STK39: variants seen among roughly 807,000 people sequenced by gnomAD.
The protein encoded by STK39 is STE20/SPS1-related proline-alanine-rich protein kinase.
STK39 carries 20 observed loss-of-function variants against 77.8 expected under a neutral mutation model. The observed-to-expected ratio is 0.26, with a 90% CI of 0.18 to 0.37. STK39 has a LOEUF of 0.37. Among genes scored for constraint, STK39 ranks in the 10% least tolerant of loss-of-function variants. The pLI, the probability that STK39 is intolerant of heterozygous loss-of-function variation, is 1.00. For missense variants in STK39, 479 were observed against 656.5 expected, an observed-to-expected ratio of 0.73 and a Z score of 2.95; for synonymous variants, 246 against 234.1, an observed-to-expected ratio of 1.05 and a Z score of -0.47.
At chr2:168,122,051 G>T (rs191243772) in intron 10 of STK39, among the ~76,000 whole-genome samples, 2 of 152,136 alleles carry the variant, frequency 1.3e-5, no homozygotes, top group Non-Finnish European at 2.9e-5. Flanking sequence ...TTTTATTTTC[G>T]TTTCAGGGGC....
At chr2:168,149,169 T>G (rs766356833) in intron 5 of STK39, among the ~76,000 whole-genome samples, 1 of 143,906 alleles carries the variant, frequency 6.9e-6, no homozygotes, top group Non-Finnish European at 1.5e-5. Flanking sequence ...TCTGCCCTAG[T>G]CCTGACCTGT....
At chr2:168,079,322 A>G (rs1476317569) in intron 10 of STK39, among the ~76,000 whole-genome samples, 7 of 152,016 alleles carry the variant, frequency 4.6e-5, no homozygotes, top group Non-Finnish European at 1.0e-4. Context: ...TCAGCATGCA[A>G]GGCCTGGCAC....
chr2:168,017,377 ATTTTTTTT>A (rs386391743), intron 14 of STK39, among the ~76,000 whole-genome samples: 4 of 93,588 alleles, frequency 4.3e-5, no homozygotes, highest in South Asian at 4.1e-4. Flanking sequence ...GGAAACCTTA[ATTTTTTTT>A]TTTTTTTTTT....
At chr2:168,038,252 TC>T (rs1473339640) in intron 14 of STK39, among the ~76,000 whole-genome samples, 1 of 151,956 alleles carries the variant, frequency 6.6e-6, no homozygotes, top group East Asian at 1.9e-4. Context: ...ATTTTTTGCA[TC>T]CCCCCAAGCC....
chr2:168,004,101 G>C (rs185932103), intron 16 of STK39, among the ~76,000 whole-genome samples: 165 of 152,324 alleles, frequency 1.1e-3, no homozygotes, highest in African/African-American at 3.5e-3. Context: ...TCCCATACTT[G>C]AGAGCCTAAG....
intron 1 of STK39, among the ~76,000 whole-genome samples, chr2:168,213,745 C>T (rs1574561696): frequency 2.0e-5 from 3 of 150,146 alleles, no homozygotes; most frequent in Admixed American, 2.0e-4. Context: ...TGAAAAACTG[C>T]ATAGAGCAGT....
At chr2:168,243,572 A>C (rs185828855) in intron 1 of STK39, among the ~76,000 whole-genome samples, 78 of 152,296 alleles carry the variant, frequency 5.1e-4, no homozygotes, top group Non-Finnish European at 1.0e-3. Context: ...TCCTGCAAAA[A>C]CCCTAAGAAA....
In STK39 at chr2:168,046,615, A is replaced by T. The variant is rs141545287; in HGVS notation, c.1376+16885T>A. On this transcript the variant is annotated intron_variant, in intron 14 of 17. Coordinates refer to ENST00000355999, the MANE Select transcript of STK39 (RefSeq NM_013233.3). ...GCAGAGCTGGCCTATATCTCTTCAGAGAGTCCCACAAGGGTCACTACTGAA... is the reference window on the plus strand; with the variant it reads ...GCAGAGCTGGCCTATATCTCTTCAGTGAGTCCCACAAGGGTCACTACTGAA... Among the ~76,000 whole-genome samples, 575 of 152,320 alleles carry T rather than the reference A, an allele frequency of 3.8e-3. 3 individuals are homozygous for T. Among genetic ancestry groups the T allele is most frequent in the African/African-American group, 0.013 (545 of 41,560 alleles).
At chr2:168,078,741 CAAAAAA>C (rs56865790) in intron 10 of STK39, among the ~76,000 whole-genome samples, 2 of 86,412 alleles carry the variant, frequency 2.3e-5, no homozygotes, top group African/African-American at 4.0e-5. Context: ...TCCATCTGTC[CAAAAAA>C]AAAAAAAAAA....
At chr2:168,124,990 G>A (rs1687504864) in intron 10 of STK39, among the ~76,000 whole-genome samples, 1 of 152,078 alleles carries the variant, frequency 6.6e-6, no homozygotes, top group South Asian at 2.1e-4. Flanking sequence ...GGGGACTAGG[G>A]AAGGGACAGC....
At chr2:168,055,421 T>C (rs1025754665) in intron 14 of STK39, among the ~76,000 whole-genome samples, 5 of 152,238 alleles carry the variant, frequency 3.3e-5, no homozygotes, top group African/African-American at 1.2e-4. Flanking sequence ...AATTGAAGTA[T>C]GCAACAATTG....
rs1476964044 is a variant in STK39 at position 168,182,088 on chromosome 2, T to C, written c.211A>G (p.Ser71Gly). The C allele has an allele frequency of 6.2e-7, 1 of 1,613,572 alleles. No individual in the cohort carries two copies. Among genetic ancestry groups the C allele is most frequent in the Non-Finnish European group, 8.5e-7 (1 of 1,179,532 alleles). ...DAYELQEVIG[S>G]GATAVVQAAL... Reference sequence around the variant, plus strand: ...GCCTGAACCACAGCAGTAGCTCCACTGCCTGCAATGAAATAAAAACAACAT... The same window carrying C: ...GCCTGAACCACAGCAGTAGCTCCACCGCCTGCAATGAAATAAAAACAACAT... Residue 71 changes from serine to glycine, a missense_variant and splice_region_variant, in exon 2 of 18, where the codon AGT becomes GGT. Around this residue, in one of 3 missense-constraint regions of STK39, gnomAD observed 139 missense variants for 280.6 expected, o/e 0.50. Transcript: ENST00000355999.
chr2:168,189,971 G>A (rs138329677), intron 1 of STK39, among the ~76,000 whole-genome samples: 6 of 152,298 alleles, frequency 3.9e-5, no homozygotes, highest in African/African-American at 1.2e-4. Context: ...GGACAACCTA[G>A]CCCGCCCGAG....
At chr2:168,220,098 T>A (rs1212100805) in intron 1 of STK39, among the ~76,000 whole-genome samples, 1 of 152,156 alleles carries the variant, frequency 6.6e-6, no homozygotes, top group East Asian at 1.9e-4. Flanking sequence ...TATACATTTA[T>A]AAATAGAGAT....
chr2:168,165,262 T>C (rs2105593062), intron 3 of STK39, among the ~76,000 whole-genome samples: 1 of 152,322 alleles, frequency 6.6e-6, no homozygotes, highest in African/African-American at 2.4e-5. Context: ...GTTTAAAATC[T>C]GTTCTTACCT....
chr2:168,065,314 C>T lies in STK39; in HGVS notation c.1305+5G>A, dbSNP rs1316288962. ...TCAAACGGAATGACTGGCAGAGAAA[C>T]ATACCTGAGAGTCGTGCACAGAGAG... On this transcript the variant is annotated splice_donor_5th_base_variant and intron_variant, in intron 13 of 17. Transcript: ENST00000355999. 3.1e-6 allele frequency: 5 copies of T among 1,613,836 alleles called. No individual in the cohort carries two copies. The South Asian group carries it at 3.3e-5, about 11-fold the overall frequency.
At chr2:168,136,018 C>G (rs1242390505) in intron 8 of STK39, among the ~76,000 whole-genome samples, 1 of 147,882 alleles carries the variant, frequency 6.8e-6, no homozygotes, top group Non-Finnish European at 1.5e-5. Flanking sequence ...ATAGAAGGAA[C>G]CTGATATTTA....
chr2:168,161,368 G>A (rs1688568578), intron 5 of STK39, among the ~76,000 whole-genome samples: 1 of 152,118 alleles, frequency 6.6e-6, no homozygotes, highest in African/African-American at 2.4e-5. Context: ...ATAAGGCCCA[G>A]ATTTTTAATG....
chr2:168,196,758 G>C (rs879890930), intron 1 of STK39, among the ~76,000 whole-genome samples: 1 of 152,190 alleles, frequency 6.6e-6, no homozygotes, highest in East Asian at 1.9e-4. Flanking sequence ...CTCTCAGGTG[G>C]TGACATGTGG....
Sources: allele counts gnomAD v4.1 joint callset (sites outside exome capture counted in the v4.1 genomes callset), GRCh38; gene constraint gnomAD v4.1.1; regional missense constraint gnomAD v4.1.1; transcripts MANE v1.5; gene names NCBI Gene and HGNC (gene_info 2026-07-23, HGNC 2026-07-21).